LHFPL3: variants seen among roughly 807,000 people sequenced by gnomAD.
LHFPL3 encodes the protein LHFPL tetraspan subfamily member 3 protein.
A neutral mutation model predicts 19.3 loss-of-function variants in LHFPL3; 5 were observed. The observed-to-expected ratio is 0.26, with a 90% CI of 0.14 to 0.54. The LOEUF (loss-of-function observed/expected upper bound fraction) is 0.54. Among genes scored for constraint, LHFPL3 ranks in the 20% least tolerant of loss-of-function variants. The pLI is 0.94. For synonymous variants in LHFPL3, 133 were observed against 126.2 expected, an observed-to-expected ratio of 1.05 and a Z score of -0.36; for missense variants, 249 against 307.4, an observed-to-expected ratio of 0.81 and a Z score of 1.42.
intron 1 of LHFPL3, among the ~76,000 whole-genome samples, chr7:104,584,856 T>C (rs371346595): frequency 6.6e-6 from 1 of 152,310 alleles, no homozygotes; most frequent in East Asian, 1.9e-4. Context: ...GCATGGTAAT[T>C]CGGTGATCTC....
At chr7:104,757,446 G>T (rs1198318920) in intron 2 of LHFPL3, among the ~76,000 whole-genome samples, 1 of 152,006 alleles carries the variant, frequency 6.6e-6, no homozygotes, top group Non-Finnish European at 1.5e-5. Context: ...GAAAATACTT[G>T]CAAACTATGC....
chr7:104,873,252 G>A (rs1325059167), intron 2 of LHFPL3, among the ~76,000 whole-genome samples: 17 of 152,188 alleles, frequency 1.1e-4, no homozygotes, highest in Non-Finnish European at 2.5e-4. Flanking sequence ...GTGTGTATAT[G>A]AATATTTCTG....
intron 2 of LHFPL3, among the ~76,000 whole-genome samples, chr7:104,881,858 C>T (rs559403992): frequency 6.6e-6 from 1 of 152,304 alleles, no homozygotes; most frequent in East Asian, 1.9e-4. Flanking sequence ...CCACCACCCT[C>T]ATCAGTCAGC....
intron 1 of LHFPL3, among the ~76,000 whole-genome samples, chr7:104,646,644 G>A (rs184330664): frequency 1.9e-3 from 285 of 152,274 alleles, no homozygotes; most frequent in South Asian, 6.6e-3. Context: ...GGGAAGACAC[G>A]AATTATAGTT....
intron 1 of LHFPL3, among the ~76,000 whole-genome samples, chr7:104,523,289 G>A (rs117491526): frequency 0.011 from 1,686 of 152,018 alleles, 17 homozygotes; most frequent in Middle Eastern, 0.02. Context: ...ATGATCTCAT[G>A]TGACAAATTT....
At chr7:104,389,259 ACAAT>A (rs1358963085) in intron 1 of LHFPL3, among the ~76,000 whole-genome samples, 8 of 152,314 alleles carry the variant, frequency 5.3e-5, no homozygotes, top group African/African-American at 1.9e-4. Context: ...AATTAAGAAA[ACAAT>A]CCCATTTACA....
intron 1 of LHFPL3, among the ~76,000 whole-genome samples, chr7:104,697,963 G>A (rs554557364): frequency 6.6e-6 from 1 of 152,184 alleles, no homozygotes; most frequent in South Asian, 2.1e-4. Context: ...GTTGTATTAC[G>A]GATTTCTTAT....
chr7:104,618,771 A>C (rs940369879), intron 1 of LHFPL3, among the ~76,000 whole-genome samples: 6 of 152,234 alleles, frequency 3.9e-5, no homozygotes, highest in Non-Finnish European at 5.9e-5. Flanking sequence ...TTTAGTCCAA[A>C]TGAAAAAACA....
chr7:104,437,958 TGG>T (rs1792144204), intron 1 of LHFPL3, among the ~76,000 whole-genome samples: 1 of 152,208 alleles, frequency 6.6e-6, no homozygotes, highest in Admixed American at 6.5e-5. Flanking sequence ...CCTTTAATCA[TGG>T]TTTGGTCCTT....
intron 1 of LHFPL3, among the ~76,000 whole-genome samples, chr7:104,345,135 A>G (rs187576236): frequency 5.5e-4 from 83 of 152,228 alleles, no homozygotes; most frequent in Admixed American, 3.9e-3. Flanking sequence ...CAGTTTGTAA[A>G]GATATATTTT....
At chr7:104,684,523 T>A in intron 1 of LHFPL3, among the ~76,000 whole-genome samples, 1 of 152,246 alleles carries the variant, frequency 6.6e-6, no homozygotes, top group African/African-American at 2.4e-5. Context: ...TTCATATAAT[T>A]TTCATGTGTT....
intron 1 of LHFPL3, among the ~76,000 whole-genome samples, chr7:104,464,510 A>G (rs1792739383): frequency 6.6e-6 from 1 of 152,224 alleles, no homozygotes; most frequent in African/African-American, 2.4e-5. Flanking sequence ...CCCCTGAAGC[A>G]TACTTCTGCC....
chr7:104,477,941 A>C (rs1186123094), intron 1 of LHFPL3, among the ~76,000 whole-genome samples: 2 of 152,190 alleles, frequency 1.3e-5, no homozygotes, highest in African/African-American at 4.8e-5. Flanking sequence ...TACAAAAAGC[A>C]CTAGGGGTTA....
intron 1 of LHFPL3, among the ~76,000 whole-genome samples, chr7:104,658,558 T>C (rs181200289): frequency 6.6e-6 from 1 of 152,300 alleles, no homozygotes; most frequent in African/African-American, 2.4e-5. Flanking sequence ...TCCAGCACTT[T>C]GGGAGGCCGA....
rs867767810 is a variant in LHFPL3 at position 104,565,733 on chromosome 7, A to G, written c.446-170942A>G. Among the ~76,000 whole-genome samples, 1,109 of 125,194 alleles carry G rather than the reference A, an allele frequency of 8.9e-3. 16 individuals are homozygous for G. Among genetic ancestry groups the G allele is most frequent in the African/African-American group, 0.04 (1,046 of 26,316 alleles). 82.1% of individuals were successfully genotyped at this position (125,194 alleles called of 152,430 possible). On this transcript the variant is annotated intron_variant, in intron 1 of 2. Coordinates refer to ENST00000424859, the MANE Select transcript of LHFPL3 (RefSeq NM_199000.3). ...TTCCTGTCTGTCTGTCTATCTATCT[A>G]TCTATCTATCTATCTATCTATCTAT...
At chr7:104,830,374 GCT>G (rs1790927518) in intron 2 of LHFPL3, among the ~76,000 whole-genome samples, 1 of 151,784 alleles carries the variant, frequency 6.6e-6, no homozygotes, top group Non-Finnish European at 1.5e-5. Context: ...TGTTGCCATT[GCT>G]TTTGGTGTTT....
At chr7:104,378,067 C>G (rs1449751601) in intron 1 of LHFPL3, among the ~76,000 whole-genome samples, 8 of 152,166 alleles carry the variant, frequency 5.3e-5, no homozygotes, top group Non-Finnish European at 1.2e-4. Context: ...GAAAAGGCAT[C>G]CAGTTCAAAT....
chr7:104,904,184 C>T (rs578192919), intron 2 of LHFPL3, among the ~76,000 whole-genome samples: 11 of 151,766 alleles, frequency 7.2e-5, no homozygotes, highest in South Asian at 2.1e-4. Flanking sequence ...TTAAAGTAAC[C>T]GTGAGTTCTC....
intron 1 of LHFPL3, among the ~76,000 whole-genome samples, chr7:104,406,550 C>T (rs1014106564): frequency 6.6e-6 from 1 of 152,162 alleles, no homozygotes; most frequent in Non-Finnish European, 1.5e-5. Context: ...ATTAACATGA[C>T]CATAGTCATG....
Sources: gnomAD v4.1 joint callset for allele counts (sites outside exome capture counted in the v4.1 genomes callset) on GRCh38, gnomAD v4.1.1 for gene constraint, MANE v1.5 for transcripts, NCBI Gene and HGNC (gene_info 2026-07-23, HGNC 2026-07-21) for gene names.